ATPAF1: variants seen among roughly 807,000 people sequenced by gnomAD.
ATPAF1 encodes the protein homolog of yeast ATP11.
Under a neutral mutation model 43.9 loss-of-function variants are expected in ATPAF1, and 26 were observed. The ratio of observed to expected loss-of-function variants is 0.59; its 90% CI spans 0.43 to 0.82. The LOEUF (loss-of-function observed/expected upper bound fraction) is 0.82, where lower values mean the gene tolerates loss of function less well. Among genes scored for constraint, ATPAF1 ranks in the 40% least tolerant of loss-of-function variants. ATPAF1 has a pLI of 0.00. For missense variants in ATPAF1, 366 were observed against 435.0 expected (o/e 0.84, Z 1.41); for synonymous variants, 157 against 168.0 (o/e 0.93, Z 0.50).
intron 8 of ATPAF1, among the ~76,000 whole-genome samples, chr1:46,641,462 C>T (rs886839193): frequency 6.6e-6 from 1 of 152,180 alleles, no homozygotes; most frequent in Non-Finnish European, 1.5e-5. Flanking sequence ...CACTTCTCCA[C>T]CTCCAGCTAA....
Position 46,654,019 on chromosome 1 carries a change from C to CA in ATPAF1, c.490-153dup, listed in dbSNP as rs1432412982. On this transcript the variant is annotated intron_variant, in intron 4 of 8. Transcript: ENST00000574428. ...TAACGCTTTCATTACTAGCACATCACAAAAAAGATTTAATACAATCCACTC... is the reference window on the plus strand; with the variant it reads ...TAACGCTTTCATTACTAGCACATCACAAAAAAAGATTTAATACAATCCACTC... 20 of 590,322 alleles carry CA rather than the reference C, an allele frequency of 3.4e-5. No individual in the cohort carries two copies. In the African/African-American group the frequency reaches 3.6e-4, roughly 11 times the overall value. The allele number at this position is 590,322 out of a possible 1,614,324, so 36.6% of individuals were successfully genotyped here.
At chr1:46,652,745 T>A in intron 5 of ATPAF1, 117 bp from the exon 6 acceptor site, 1 of 871,476 alleles carries the variant, frequency 1.1e-6, no homozygotes, top group Non-Finnish European at 1.8e-6. Flanking sequence ...AACAGTCATT[T>A]AAGTTTCATC....
intron 8 of ATPAF1, among the ~76,000 whole-genome samples, chr1:46,642,618 G>A (rs1675969691): frequency 6.6e-6 from 1 of 152,168 alleles, no homozygotes. Context: ...TGAACAGTAT[G>A]AAGGAAGATA....
Position 46,636,221 on chromosome 1 carries a change from G to C in ATPAF1, c.793-251C>G, listed in dbSNP as rs2148812927. 11 of 547,364 alleles carry C rather than the reference G, an allele frequency of 2.0e-5. No individual in the cohort carries two copies. The South Asian group carries it at 2.3e-4, about 11-fold the overall frequency. 33.9% of individuals were successfully genotyped at this position (547,364 alleles called of 1,614,324 possible). On this transcript the variant is annotated intron_variant, in intron 8 of 8. Transcript: ENST00000574428. ...TTTCTTTTTTTGTCTATTTTCCCTAGTACAAATTCCTCAAAGACATAGACC... is the reference window on the plus strand; with the variant it reads ...TTTCTTTTTTTGTCTATTTTCCCTACTACAAATTCCTCAAAGACATAGACC...
At chr1:46,645,747 A>G (rs1280404277) in intron 6 of ATPAF1, among the ~76,000 whole-genome samples, 1 of 152,242 alleles carries the variant, frequency 6.6e-6, no homozygotes, top group Non-Finnish European at 1.5e-5. Flanking sequence ...AGCATCAGAA[A>G]TACAATTGAG....
chr1:46,633,660 C>A, downstream of ATPAF1: 1 of 445,480 alleles, frequency 2.2e-6, no homozygotes, highest in South Asian at 1.6e-5. Flanking sequence ...TTTAGTCATG[C>A]CCCACACATT....
intron 8 of ATPAF1, among the ~76,000 whole-genome samples, chr1:46,642,636 G>A (rs1291047967): frequency 6.6e-6 from 1 of 152,190 alleles, no homozygotes; most frequent in East Asian, 1.9e-4. Flanking sequence ...ATAAAATATT[G>A]AGAGCTATCC....
downstream of ATPAF1, chr1:46,634,255 C>T (rs142869838): frequency 2.7e-3 from 562 of 206,878 alleles, 3 homozygotes; most frequent in East Asian, 4.1e-3. Flanking sequence ...TCCCACTCAC[C>T]ACATTCAGTG....
downstream of ATPAF1, chr1:46,633,661 C>T (rs772315140): frequency 4.5e-6 from 2 of 444,846 alleles, no homozygotes; most frequent in South Asian, 1.6e-5. Context: ...TTAGTCATGC[C>T]CCACACATTT....
intron 4 of ATPAF1, among the ~76,000 whole-genome samples, 189 bp downstream of exon 4, chr1:46,657,938 A>T (rs1569628182): frequency 6.6e-6 from 1 of 152,356 alleles, no homozygotes; most frequent in East Asian, 1.9e-4. Flanking sequence ...ATACAAGTTG[A>T]TTAGACATAT....
chr1:46,651,035 C>T (rs1321860889), intron 6 of ATPAF1, among the ~76,000 whole-genome samples: 1 of 151,784 alleles, frequency 6.6e-6, no homozygotes, highest in Non-Finnish European at 1.5e-5. Flanking sequence ...TTTTAGGGTA[C>T]ATGTGCACAA....
chr1:46,655,459 TATA>T (rs756578580), intron 4 of ATPAF1, among the ~76,000 whole-genome samples: 2 of 152,102 alleles, frequency 1.3e-5, no homozygotes, highest in Admixed American at 6.5e-5. Context: ...AAAAAAATTA[TATA>T]ATAAAATTTG....
At chr1:46,662,904 G>GTATATCTC (rs1185279518) in intron 2 of ATPAF1, among the ~76,000 whole-genome samples, 1 of 151,934 alleles carries the variant, frequency 6.6e-6, no homozygotes, top group African/African-American at 2.4e-5. Flanking sequence ...TTAACATTAG[G>GTATATCTC]TATATCTCCT....
chr1:46,645,384 G>T, intron 6 of ATPAF1, 128 bp from the exon 7 acceptor site: 1 of 739,790 alleles, frequency 1.4e-6, no homozygotes, highest in Non-Finnish European at 2.2e-6. Flanking sequence ...ATTTTTTTGA[G>T]ACAGGTTCTC....
At chr1:46,637,587 A>T (rs1014114663) in intron 8 of ATPAF1, among the ~76,000 whole-genome samples, 4 of 152,268 alleles carry the variant, frequency 2.6e-5, no homozygotes, top group South Asian at 4.1e-4. Flanking sequence ...CTAAAAACTT[A>T]CTGCCAAAAG....
In ATPAF1 at chr1:46,647,801, C is replaced by T. The variant is rs942680189; in HGVS notation, c.589-2545G>A. ...CAGTATAGGAGAGTTCCAGGTGCTT[C>T]ACATTCTTACCAATACTTGGTATGA... is the stretch of plus-strand genomic sequence containing the variant. On this transcript the variant is annotated intron_variant, in intron 6 of 8. Coordinates refer to ENST00000574428, the Ensembl canonical transcript of ATPAF1. Among the ~76,000 whole-genome samples, 9 of 152,312 alleles carry T rather than the reference C, an allele frequency of 5.9e-5. No individual in the cohort carries two copies. In the East Asian group the frequency reaches 1.5e-3, roughly 26 times the overall value.
chr1:46,643,394 T>A, intron 7 of ATPAF1, 93 bp from the exon 8 acceptor site: 1 of 990,246 alleles, frequency 1.0e-6, no homozygotes, highest in Non-Finnish European at 1.5e-6. Flanking sequence ...AAATTCTGGC[T>A]CTTAACAGCC....
chr1:46,654,529 TTA>T (rs1367263258), intron 4 of ATPAF1, among the ~76,000 whole-genome samples: 3 of 15,812 alleles, frequency 1.9e-4, no homozygotes, highest in African/African-American at 3.7e-4. Flanking sequence ...ATTTATTTAT[TTA>T]TTATTATTAT....
intron 7 of ATPAF1, among the ~76,000 whole-genome samples, chr1:46,644,921 A>G (rs925344637): frequency 5.9e-5 from 9 of 152,182 alleles, no homozygotes; most frequent in Non-Finnish European, 2.9e-5. Context: ...AGGTCTGGGG[A>G]AGAGACAAAA....
Sources: gnomAD v4.1 joint callset for allele counts (sites outside exome capture counted in the v4.1 genomes callset) on GRCh38, gnomAD v4.1.1 for gene constraint, MANE v1.5 for transcripts, NCBI Gene and HGNC (gene_info 2026-07-23, HGNC 2026-07-21) for gene names.